The following PTPRZ1 variants were observed in gnomAD, a reference collection of about 807,000 sequenced individuals.
PTPRZ1 encodes the protein receptor-type tyrosine-protein phosphatase zeta.
In PTPRZ1, 82 loss-of-function variants were observed where a neutral mutation model predicts 214.1. The ratio of observed to expected loss-of-function variants is 0.38; its 90% CI spans 0.32 to 0.46. The LOEUF (loss-of-function observed/expected upper bound fraction) is 0.46, where lower values mean the gene tolerates loss of function less well. Among genes scored for constraint, PTPRZ1 ranks in the 20% least tolerant of loss-of-function variants. The probability of loss-of-function intolerance (pLI) is 1.00; values close to 1 mark genes in which losing one functional copy is unlikely to be tolerated. For missense variants in PTPRZ1, 2,603 were observed against 2,748.7 expected, an observed-to-expected ratio of 0.95 and a Z score of 1.19; for synonymous variants, 945 against 987.9, an observed-to-expected ratio of 0.96 and a Z score of 0.81.
chr7:121,873,672 A>G (rs1007808595), intron 1 of PTPRZ1, 115 bp downstream of exon 1: 21 of 1,289,122 alleles, frequency 1.6e-5, no homozygotes, highest in East Asian at 2.4e-5. Context: ...AGGAGGAAAA[A>G]GGGACAGCCA....
At chr7:121,890,723 G>A (rs889494566) in intron 1 of PTPRZ1, among the ~76,000 whole-genome samples, 5 of 152,048 alleles carry the variant, frequency 3.3e-5, no homozygotes, top group African/African-American at 1.2e-4. Context: ...AGGCTGGAGT[G>A]CAGTGGTATG....
chr7:121,976,086 T>G (rs1300010424), intron 4 of PTPRZ1, 87 bp from the exon 5 acceptor site: 1 of 840,716 alleles, frequency 1.2e-6, no homozygotes, highest in Non-Finnish European at 1.9e-6. Flanking sequence ...TATAAAAGAT[T>G]TTGGAAATAC....
chr7:121,995,268 A>T (rs1287143330), intron 8 of PTPRZ1, among the ~76,000 whole-genome samples: 1 of 152,158 alleles, frequency 6.6e-6, no homozygotes, highest in Non-Finnish European at 1.5e-5. Context: ...GTGATGACTG[A>T]TTTACCTAAG....
At chr7:122,041,010 T>C (rs751636504) in intron 21 of PTPRZ1, 31 bp downstream of exon 21, 8 of 1,424,050 alleles carry the variant, frequency 5.6e-6, no homozygotes, top group Non-Finnish European at 6.5e-6. Flanking sequence ...TCTAAACCCA[T>C]AGAATTGCTT....
chr7:122,038,973 G>A (rs1799632973), intron 19 of PTPRZ1, 84 bp downstream of exon 19: 2 of 1,433,096 alleles, frequency 1.4e-6, no homozygotes. Flanking sequence ...GCATTAGGAA[G>A]GAGCCAAAGT....
At chr7:121,933,665 A>T (rs1210946466) in intron 2 of PTPRZ1, among the ~76,000 whole-genome samples, 1 of 152,168 alleles carries the variant, frequency 6.6e-6, no homozygotes, top group African/African-American at 2.4e-5. Context: ...TGTATGTAGA[A>T]AATGCTACTT....
chr7:121,931,962 G>A (rs956617963), intron 2 of PTPRZ1, among the ~76,000 whole-genome samples: 1 of 152,166 alleles, frequency 6.6e-6, no homozygotes, highest in African/African-American at 2.4e-5. Flanking sequence ...AAAAAGGGAT[G>A]TTCCAGAGTC....
At chr7:122,038,957 G>C in intron 19 of PTPRZ1, 68 bp downstream of exon 19, 2 of 1,559,102 alleles carry the variant, frequency 1.3e-6, no homozygotes, top group East Asian at 2.2e-5. Flanking sequence ...AGTTTTAATA[G>C]AGTCAGCATT....
chr7:122,000,914 G>C (rs897858644), intron 10 of PTPRZ1, among the ~76,000 whole-genome samples: 5 of 151,510 alleles, frequency 3.3e-5, no homozygotes, highest in Non-Finnish European at 2.9e-5. Context: ...TCGAACTCCT[G>C]ACCTCGTGAT....
At chr7:121,977,392 G>T (rs1797473529) in intron 6 of PTPRZ1, among the ~76,000 whole-genome samples, 2 of 152,124 alleles carry the variant, frequency 1.3e-5, no homozygotes. Context: ...CTATCTCATG[G>T]ATCTTGTAAT....
chr7:121,892,679 CATATATATATATATATATATA>C (rs1794672070), intron 1 of PTPRZ1, among the ~76,000 whole-genome samples: 3 of 98,234 alleles, frequency 3.1e-5, no homozygotes, highest in South Asian at 3.1e-4. Context: ...TCAAGCATCT[CATATATATATATATATATATA>C]TATATATATA....
At chr7:121,979,499 T>A (rs1797539014) in intron 6 of PTPRZ1, among the ~76,000 whole-genome samples, 1 of 152,188 alleles carries the variant, frequency 6.6e-6, no homozygotes, top group African/African-American at 2.4e-5. Flanking sequence ...CTCATAGGCA[T>A]TGGTGTGACC....
At chr7:122,045,958 G>T (rs1477847523) in intron 23 of PTPRZ1, among the ~76,000 whole-genome samples, 1 of 152,118 alleles carries the variant, frequency 6.6e-6, no homozygotes, top group African/African-American at 2.4e-5. Context: ...GAGTTTGTCT[G>T]TAGAAAATTT....
intron 2 of PTPRZ1, among the ~76,000 whole-genome samples, chr7:121,947,803 A>G (rs965840490): frequency 6.6e-6 from 1 of 152,132 alleles, no homozygotes; most frequent in African/African-American, 2.4e-5. Flanking sequence ...TAGATCTGGC[A>G]TGGTAACATA....
intron 2 of PTPRZ1, among the ~76,000 whole-genome samples, chr7:121,939,584 C>T (rs761394189): frequency 3.3e-5 from 5 of 152,198 alleles, no homozygotes; most frequent in Non-Finnish European, 7.3e-5. Flanking sequence ...GTTCAGTCAA[C>T]TTGTGTTAGA....
Position 121,919,763 on chromosome 7 carries a change from A to G in PTPRZ1, c.59-8393A>G, listed in dbSNP as rs1006845380. Among the ~76,000 whole-genome samples, 6 of 152,092 alleles carry G rather than the reference A, an allele frequency of 3.9e-5. No homozygotes were observed. In the South Asian group the frequency reaches 1.0e-3, roughly 26 times the overall value. ...TTTAACATATATTAAATTTGCATCT[A>G]TAGTAGGTTCTATGTTAGTGCTGTT... On this transcript the variant is annotated intron_variant, in intron 1 of 29. Transcript: ENST00000393386.
chr7:122,005,221 G>C (rs1173737850), intron 11 of PTPRZ1, among the ~76,000 whole-genome samples: 1 of 151,876 alleles, frequency 6.6e-6, no homozygotes, highest in African/African-American at 2.4e-5. Context: ...AAGATAAAAT[G>C]TATAGGTATT....
At position 122,012,225 on chromosome 7, in the gene PTPRZ1, A is replaced by G. The variant is rs529791225; in HGVS notation, c.3179A>G (p.Asn1060Ser). Reference protein sequence around the residue: ...NETELQIPSFNEMVYPSESTV... With the variant: ...NETELQIPSFSEMVYPSESTV... ...ACTGAACTGCAAATTCCTTCTTTCA[A>G]TGAGATGGTTTACCCTTCTGAAAGC... The change falls in exon 12 of 30, where the codon AAT (asparagine) becomes AGT (serine). Residue 1060 changes from asparagine (N) to serine (S), a missense_variant. Physicochemically the swap from Asn to Ser is conservative, Grantham distance 46 (BLOSUM62 1). This residue lies in a region of PTPRZ1 where 1,913 missense variants were observed against 1,914.3 expected (regional missense o/e 1.00). Transcript: ENST00000393386. The G allele has an allele frequency of 6.2e-6, 10 of 1,613,854 alleles. No homozygotes were observed. The highest frequency in any genetic ancestry group is 3.3e-5 in the Admixed American group (2 of 60,000).
intron 1 of PTPRZ1, chr7:121,908,819 T>A: frequency 2.0e-6 from 1 of 490,372 alleles, no homozygotes; most frequent in Non-Finnish European, 4.0e-6. Flanking sequence ...TACTCTTGGA[T>A]AAGGAATGGG....
Sources: allele counts gnomAD v4.1 joint callset (sites outside exome capture counted in the v4.1 genomes callset), GRCh38; gene constraint gnomAD v4.1.1; regional missense constraint gnomAD v4.1.1; transcripts MANE v1.5; gene names NCBI Gene and HGNC (gene_info 2026-07-23, HGNC 2026-07-21).